TRIM2: variants seen among roughly 807,000 people sequenced by gnomAD.
TRIM2 encodes the protein tripartite motif containing 2.
TRIM2 carries 20 observed loss-of-function variants against 75.2 expected under a neutral mutation model. That is an observed-to-expected ratio of 0.27 (90% CI 0.19 to 0.39). The LOEUF (loss-of-function observed/expected upper bound fraction) is 0.39, where lower values mean the gene tolerates loss of function less well. Among genes scored for constraint, TRIM2 ranks in the 10% least tolerant of loss-of-function variants. TRIM2 has a pLI of 1.00. For synonymous variants in TRIM2, 373 were observed against 388.3 expected (o/e 0.96, Z 0.46); for missense variants, 660 against 990.8 (o/e 0.67, Z 4.48).
At chr4:153,163,437 G>C (rs1172522713) in intron 1 of TRIM2, among the ~76,000 whole-genome samples, 1 of 147,970 alleles carries the variant, frequency 6.8e-6, no homozygotes, top group Non-Finnish European at 1.5e-5. Context: ...TCCTGCCTCA[G>C]CCTCCCAAAG....
intron 1 of TRIM2, among the ~76,000 whole-genome samples, chr4:153,233,837 G>C (rs932269602): frequency 6.6e-6 from 1 of 152,168 alleles, no homozygotes; most frequent in Admixed American, 6.5e-5. Flanking sequence ...TTCCTGCTGA[G>C]AGAGATGTTA....
intron 1 of TRIM2, among the ~76,000 whole-genome samples, chr4:153,157,931 T>A (rs1370158441): frequency 1.3e-5 from 2 of 152,240 alleles, no homozygotes; most frequent in East Asian, 3.8e-4. Flanking sequence ...TGCTTTGCAC[T>A]GGCACCTGGA....
intron 3 of TRIM2, 113 bp downstream of exon 3, chr4:153,276,243 A>G: frequency 1.1e-6 from 1 of 892,264 alleles, no homozygotes; most frequent in Non-Finnish European, 1.8e-6. Context: ...TGGAAAAATC[A>G]GTAATTAAAA....
chr4:153,165,993 G>A (rs1278544429), intron 1 of TRIM2, among the ~76,000 whole-genome samples: 1 of 151,586 alleles, frequency 6.6e-6, no homozygotes, highest in African/African-American at 2.4e-5. Context: ...CTCTCTTCTG[G>A]AACTCCAGTT....
At chr4:153,310,255 G>A (rs1560992327) in intron 6 of TRIM2, 2 of 152,068 alleles carry the variant, frequency 1.3e-5, no homozygotes, top group African/African-American at 2.4e-5. Context: ...AAAGTAGATA[G>A]AAAAATATTT....
intron 1 of TRIM2, among the ~76,000 whole-genome samples, chr4:153,258,162 C>A (rs997476543): frequency 4.6e-5 from 7 of 152,130 alleles, no homozygotes; most frequent in East Asian, 1.9e-4. Context: ...ACCCTCCCCC[C>A]ACTCTGTCCT....
chr4:153,204,381 C>A, upstream of TRIM2: 1 of 804,764 alleles, frequency 1.2e-6, no homozygotes, highest in Non-Finnish European at 2.1e-6. Flanking sequence ...ATACTGTAGC[C>A]CCGCCCCTTT....
At chr4:153,268,588 G>A (rs1755876517) in intron 1 of TRIM2, among the ~76,000 whole-genome samples, 1 of 152,158 alleles carries the variant, frequency 6.6e-6, no homozygotes, top group African/African-American at 2.4e-5. Flanking sequence ...TTTCCATAGG[G>A]AATTAGAGGG....
chr4:153,256,324 T>C (rs916749910), intron 1 of TRIM2, among the ~76,000 whole-genome samples: 8 of 152,214 alleles, frequency 5.3e-5, no homozygotes, highest in African/African-American at 1.7e-4. Context: ...TCTGCAGAGC[T>C]GAGGCCCCTT....
chr4:153,200,724 A>AAAAAAT (rs1405991305), upstream of TRIM2, among the ~76,000 whole-genome samples: 15 of 138,124 alleles, frequency 1.1e-4, no homozygotes, highest in African/African-American at 2.7e-4. Flanking sequence ...AAGAAAAAAA[A>AAAAAAT]ATATATATAT....
chr4:153,233,401 T>C (rs1041024162), intron 1 of TRIM2, among the ~76,000 whole-genome samples: 4 of 152,182 alleles, frequency 2.6e-5, no homozygotes, highest in Non-Finnish European at 5.9e-5. Flanking sequence ...GTTTTCTTTT[T>C]GAGATATTGA....
Position 153,337,551 on chromosome 4 carries a change from A to T in TRIM2, c.*2585A>T. ...GATTATATATGTTAAAGTATAGATA[A>T]CATTTCACACTTGGATACATATGTG... On this transcript the variant is annotated 3_prime_UTR_variant, in exon 12 of 12. Coordinates refer to ENST00000338700, the MANE Select transcript of TRIM2 (RefSeq NM_015271.5). 1.0e-6 allele frequency: 1 copy of T among 985,866 alleles called. No homozygotes were observed. The highest frequency in any genetic ancestry group is 1.2e-6 in the Non-Finnish European group (1 of 829,918). The allele number at this position is 985,866 out of a possible 1,614,324, so 61.1% of individuals were successfully genotyped here.
At chr4:153,164,822 G>T (rs546431374) in intron 1 of TRIM2, among the ~76,000 whole-genome samples, 1 of 152,054 alleles carries the variant, frequency 6.6e-6, no homozygotes, top group Admixed American at 6.6e-5. Flanking sequence ...TCTTGATTAC[G>T]TCTGTATTTA....
At chr4:153,176,793 T>C (rs564610023) in intron 1 of TRIM2, among the ~76,000 whole-genome samples, 104 of 152,182 alleles carry the variant, frequency 6.8e-4, no homozygotes, top group South Asian at 2.3e-3. Context: ...GAATTTTTAG[T>C]AGAGACAGGG....
chr4:153,225,447 T>C (rs980889346), intron 1 of TRIM2, among the ~76,000 whole-genome samples: 8 of 152,248 alleles, frequency 5.3e-5, no homozygotes, highest in African/African-American at 1.9e-4. Flanking sequence ...CTTAAAAGGC[T>C]TGAGGCAAAG....
At chr4:153,258,197 T>A (rs1424987677) in intron 1 of TRIM2, among the ~76,000 whole-genome samples, 1 of 152,072 alleles carries the variant, frequency 6.6e-6, no homozygotes, top group Non-Finnish European at 1.5e-5. Context: ...TGGGGTTGAG[T>A]TCCATGGCTG....
At chr4:153,331,542 C>CA (rs1357216782) in intron 11 of TRIM2, among the ~76,000 whole-genome samples, 1 of 152,118 alleles carries the variant, frequency 6.6e-6, no homozygotes, top group African/African-American at 2.4e-5. Context: ...TCATGGATTG[C>CA]AAGACTCAAC....
intron 1 of TRIM2, among the ~76,000 whole-genome samples, chr4:153,183,507 G>A (rs1732282770): frequency 6.6e-6 from 1 of 152,252 alleles, no homozygotes; most frequent in South Asian, 2.1e-4. Flanking sequence ...CAAGGAGTGG[G>A]GCATGATTGC....
chr4:153,337,244 T>C lies in TRIM2; in HGVS notation c.*2278T>C, dbSNP rs1440690844. On this transcript the variant is annotated 3_prime_UTR_variant, in exon 12 of 12. Coordinates refer to ENST00000338700, the MANE Select transcript of TRIM2 (RefSeq NM_015271.5). ...TTAGATTCTTTCTGTCCCAGGCTGT[T>C]GATCTTAAAACTAGTTGATTTAAAG... The C allele has an allele frequency of 1.0e-6, 1 of 985,582 alleles. No homozygotes were observed. Among genetic ancestry groups the C allele is most frequent in the Non-Finnish European group, 1.2e-6 (1 of 829,938 alleles). The allele number at this position is 985,582 out of a possible 1,614,324, so 61.1% of individuals were successfully genotyped here. A position where few individuals can be genotyped will look rare whatever the true frequency, so the allele number is the denominator to read the frequency against.
Sources: allele counts gnomAD v4.1 joint callset (sites outside exome capture counted in the v4.1 genomes callset), GRCh38; gene constraint gnomAD v4.1.1; transcripts MANE v1.5; gene names NCBI Gene and HGNC (gene_info 2026-07-23, HGNC 2026-07-21).